GSTCD: variants seen among roughly 807,000 people sequenced by gnomAD.
The protein encoded by GSTCD is glutathione S-transferase C-terminal domain containing, also known as glutathione S-transferase C-terminal domain-containing protein.
GSTCD carries 44 observed loss-of-function variants against 68.3 expected under a neutral mutation model. The ratio of observed to expected loss-of-function variants is 0.64; its 90% CI spans 0.51 to 0.83. GSTCD has a LOEUF of 0.83. Among genes scored for constraint, GSTCD ranks in the 40% least tolerant of loss-of-function variants. The probability of loss-of-function intolerance (pLI) is 0.00; values close to 1 mark genes in which losing one functional copy is unlikely to be tolerated. For missense variants in GSTCD, 739 were observed against 735.9 expected (o/e 1.00, Z -0.05); for synonymous variants, 273 against 255.2 (o/e 1.07, Z -0.67).
chr4:105,769,672 ATTTG>A (rs1295373249), intron 5 of GSTCD, among the ~76,000 whole-genome samples: 2 of 152,022 alleles, frequency 1.3e-5, no homozygotes, highest in Admixed American at 1.3e-4. Flanking sequence ...AGATTATTTA[ATTTG>A]TTTATTTGTT....
rs191503215 is a variant in GSTCD, at chr4:105,792,437, A to G, written c.1241-30517A>G. Among the ~76,000 whole-genome samples the G allele has an allele frequency of 7.7e-4, 117 of 152,246 alleles. 2 individuals are homozygous for G. Among genetic ancestry groups the G allele is most frequent in the African/African-American group, 2.7e-3 (111 of 41,482 alleles). On this transcript the variant is annotated intron_variant, in intron 5 of 11. Transcript: ENST00000515279. ...AAGCTGGGAGGAAGAAAAACAAGCC[A>G]TGAGCTACAAGAAGCAACCTAGGAT...
In GSTCD at chr4:105,719,260, G is replaced by T; in HGVS notation, c.627G>T (p.Gly209=). 1 of 1,614,066 alleles carries T rather than the reference G, an allele frequency of 6.2e-7. No homozygotes were observed. Among genetic ancestry groups the T allele is most frequent in the Non-Finnish European group, 8.5e-7 (1 of 1,180,006 alleles). The change falls in exon 3 of 12, where the codon GGG becomes GGT. Residue 209 remains glycine, a synonymous_variant. Coordinates refer to ENST00000515279, the MANE Select transcript of GSTCD (RefSeq NM_001370181.1). ...AGCAACAGAAGGCTGATGGAGTTGG[G>T]CCTCCCCTTACTAAGGGAAAGGCAA... The part of the protein sequence containing the change: ...KLKQQKADGV[G]PPLTKGKAKS...
Position 105,708,871 on chromosome 4 carries a change from G to A in GSTCD, c.-167G>A, listed in dbSNP as rs1321392083. ...TAAGGTGGCTGTCGTTTTTCTCCTG[G>A]CGTCTGTGGAGGCGAGTGGTCTGCG... On this transcript the variant is annotated 5_prime_UTR_variant, in exon 1 of 12. It introduces an in-frame stop codon into an upstream open reading frame of the 5' UTR. Transcript: ENST00000515279. 1.3e-5 allele frequency: 2 copies of A among 152,802 alleles called. No individual in the cohort carries two copies. Among genetic ancestry groups the A allele is most frequent in the Non-Finnish European group, 2.9e-5 (2 of 68,202 alleles). The allele number at this position is 152,802 out of a possible 1,614,324, so 9.5% of individuals were successfully genotyped here.
At chr4:105,778,672 G>T (rs1382311166) in intron 5 of GSTCD, among the ~76,000 whole-genome samples, 1 of 152,034 alleles carries the variant, frequency 6.6e-6, no homozygotes, top group Non-Finnish European at 1.5e-5. Flanking sequence ...TATATTATAT[G>T]AAGTTCAAGG....
chr4:105,783,994 G>C (rs1735374044), intron 5 of GSTCD, among the ~76,000 whole-genome samples: 1 of 152,218 alleles, frequency 6.6e-6, no homozygotes, highest in African/African-American at 2.4e-5. Context: ...ATGCACCACA[G>C]AAAAGGCATG....
At chr4:105,792,491 A>C (rs1324978849) in intron 5 of GSTCD, among the ~76,000 whole-genome samples, 1 of 152,086 alleles carries the variant, frequency 6.6e-6, no homozygotes, top group Non-Finnish European at 1.5e-5. Context: ...TCAGGGTCAG[A>C]AACATTGACC....
chr4:105,787,232 A>G (rs1421423740), intron 5 of GSTCD, among the ~76,000 whole-genome samples: 1 of 152,096 alleles, frequency 6.6e-6, no homozygotes, highest in African/African-American at 2.4e-5. Flanking sequence ...TGTTTGTTAA[A>G]GATTTCCAGG....
At chr4:105,716,727 C>T (rs936111754) in intron 1 of GSTCD, among the ~76,000 whole-genome samples, 5 of 152,214 alleles carry the variant, frequency 3.3e-5, no homozygotes, top group African/African-American at 1.2e-4. Context: ...TGAAACTGGT[C>T]CGTGGTGCCA....
At position 105,720,532 on chromosome 4, in the gene GSTCD, G is replaced by T. The variant is rs559741690; in HGVS notation, c.894+1005G>T. Reference sequence around the variant, plus strand: ...ATTCATCAATTGTCATTTTCTTAAAGAACATTTCTCTTTTCCTCAAAATTG... The same window carrying T: ...ATTCATCAATTGTCATTTTCTTAAATAACATTTCTCTTTTCCTCAAAATTG... On this transcript the variant is annotated intron_variant, in intron 3 of 11. Coordinates refer to ENST00000515279, the MANE Select transcript of GSTCD (RefSeq NM_001370181.1). Among the ~76,000 whole-genome samples the T allele has an allele frequency of 2.6e-5, 4 of 152,234 alleles. No homozygotes were observed. The South Asian group carries it at 8.3e-4, about 32-fold the overall frequency.
At chr4:105,772,196 A>G (rs1415797509) in intron 5 of GSTCD, among the ~76,000 whole-genome samples, 2 of 152,192 alleles carry the variant, frequency 1.3e-5, no homozygotes, top group East Asian at 3.9e-4. Flanking sequence ...AATGCTTGTG[A>G]TTTTTGCACA....
chr4:105,808,316 C>T (rs952761490), intron 5 of GSTCD, among the ~76,000 whole-genome samples: 3 of 152,040 alleles, frequency 2.0e-5, no homozygotes, highest in Non-Finnish European at 2.9e-5. Context: ...TTTCTAATTG[C>T]TCAGGCTCAG....
chr4:105,729,473 T>A lies in GSTCD; in HGVS notation c.1214T>A (p.Leu405His). The change falls in exon 5 of 12, where the codon CTC becomes CAC. Residue 405 changes from leucine to histidine, a missense_variant. Physicochemically the swap from Leu to His is moderately conservative, Grantham distance 99. Transcript: ENST00000515279. ...ACTTGGACTCTTGATTGGAATGTTC[T>A]CCCTGCAGCAGTCAGCCCAAAGGAA... ...CPTWTLDWNV[L>H]PAAVSPKEGK... 6.2e-7 allele frequency: 1 copy of A among 1,611,970 alleles called. No individual in the cohort carries two copies.
At chr4:105,825,843 A>G in intron 8 of GSTCD, 43 bp downstream of exon 8, 1 of 1,272,766 alleles carries the variant, frequency 7.9e-7, no homozygotes. Context: ...TAGCTAAATA[A>G]GAAAAATTAC....
intron 5 of GSTCD, among the ~76,000 whole-genome samples, chr4:105,760,872 A>G (rs1734379828): frequency 6.6e-6 from 1 of 152,120 alleles, no homozygotes; most frequent in Non-Finnish European, 1.5e-5. Context: ...CAAATTTTAC[A>G]GTGTTTAAGT....
At chr4:105,790,907 T>C (rs1169091572) in intron 5 of GSTCD, among the ~76,000 whole-genome samples, 2 of 152,014 alleles carry the variant, frequency 1.3e-5, no homozygotes, top group Non-Finnish European at 2.9e-5. Flanking sequence ...TCATCCTTAT[T>C]GTTTTATCAC....
chr4:105,721,916 T>A (rs923456699), intron 3 of GSTCD, among the ~76,000 whole-genome samples: 6 of 152,124 alleles, frequency 3.9e-5, no homozygotes, highest in Non-Finnish European at 8.8e-5. Context: ...AGATAGCGTA[T>A]CAACATTATG....
At chr4:105,766,885 C>CTCTTTTTTTTTTT (rs1734628796) in intron 5 of GSTCD, among the ~76,000 whole-genome samples, 1 of 23,040 alleles carries the variant, frequency 4.3e-5, no homozygotes, top group African/African-American at 1.7e-4. Context: ...AGGTTTTTGA[C>CTCTTTTTTTTTTT]TCTTTTTTTT....
chr4:105,709,911 TATAAC>T (rs1428809809), intron 1 of GSTCD, among the ~76,000 whole-genome samples: 11 of 152,228 alleles, frequency 7.2e-5, no homozygotes, highest in Admixed American at 6.5e-4. Context: ...AATAAACTGT[TATAAC>T]ACAACTAAGT....
In GSTCD at chr4:105,830,644, C is replaced by T. The variant is rs73839024; in HGVS notation, c.1531-3817C>T. Among the ~76,000 whole-genome samples, 1,076 of 152,090 alleles carry T rather than the reference C, an allele frequency of 7.1e-3. 9 individuals are homozygous for T. Among genetic ancestry groups the T allele is most frequent in the African/African-American group, 0.024 (997 of 41,486 alleles). ...GCATTGAGTCCATATTTTAGTAAAA[C>T]GTCAGAAAGCCCAGGAAAGATGTCT... On this transcript the variant is annotated intron_variant, in intron 8 of 11. Transcript: ENST00000515279.
Sources: gnomAD v4.1 joint callset for allele counts (sites outside exome capture counted in the v4.1 genomes callset) on GRCh38, gnomAD v4.1.1 for gene constraint, MANE v1.5 for transcripts, NCBI Gene and HGNC (gene_info 2026-07-23, HGNC 2026-07-21) for gene names.